Variants in ADGB observed in about 807,000 individuals in gnomAD.
The protein encoded by ADGB is androglobin.
ADGB carries 172 observed loss-of-function variants against 210.5 expected under a neutral mutation model. That is an observed-to-expected ratio of 0.82 (90% CI 0.72 to 0.93). The LOEUF (loss-of-function observed/expected upper bound fraction) is 0.93. Ranked by LOEUF, ADGB falls within the 40% of genes least tolerant of loss-of-function variation. ADGB has a pLI of 0.00. For synonymous variants in ADGB, 658 were observed against 662.7 expected (o/e 0.99, Z 0.11); for missense variants, 2,025 against 1,964.8 (o/e 1.03, Z -0.58).
At chr6:146,795,862 A>T (rs1014120029) in intron 33 of ADGB, among the ~76,000 whole-genome samples, 8 of 152,212 alleles carry the variant, frequency 5.3e-5, no homozygotes, top group African/African-American at 1.9e-4. Flanking sequence ...CATCAGTGAC[A>T]GATGGGATAA....
At chr6:146,802,542 A>C in intron 35 of ADGB, 1 of 364,638 alleles carries the variant, frequency 2.7e-6, no homozygotes, top group South Asian at 4.3e-5. Context: ...TCCCAAATGC[A>C]GCAAAGGTGA....
At chr6:146,762,067 C>T (rs992556017) in intron 27 of ADGB, among the ~76,000 whole-genome samples, 1 of 152,054 alleles carries the variant, frequency 6.6e-6, no homozygotes, top group African/African-American at 2.4e-5. Context: ...AGGTTGATGT[C>T]TTCTTAGGAT....
At chr6:146,811,659 T>A (rs75208083) in intron 35 of ADGB, among the ~76,000 whole-genome samples, 2,442 of 152,212 alleles carry the variant, frequency 0.016, 71 homozygotes, top group African/African-American at 0.052. Flanking sequence ...TTTACTTTTC[T>A]TGCTGTGTTT....
At chr6:146,747,187 T>C (rs1027696980) in intron 26 of ADGB, among the ~76,000 whole-genome samples, 1 of 152,226 alleles carries the variant, frequency 6.6e-6, no homozygotes, top group Admixed American at 6.5e-5. Flanking sequence ...TAACAATGTG[T>C]TGTTATTCAA....
At chr6:146,615,273 A>T (rs1780781367) in intron 1 of ADGB, among the ~76,000 whole-genome samples, 1 of 149,534 alleles carries the variant, frequency 6.7e-6, no homozygotes, top group African/African-American at 2.6e-5. Flanking sequence ...CACCAAGAGG[A>T]TTGTGCTAAG....
At chr6:146,649,705 G>A (rs1467076573) in intron 3 of ADGB, among the ~76,000 whole-genome samples, 1 of 151,764 alleles carries the variant, frequency 6.6e-6, no homozygotes, top group African/African-American at 2.4e-5. Flanking sequence ...TTTCCAGGCT[G>A]GTCTCTTAGT....
In ADGB at chr6:146,733,960, A is replaced by G. The variant is rs61740323; in HGVS notation, c.2724A>G (p.Ala908=). The change falls in exon 22 of 36, where the codon GCA becomes GCG. Residue 908 remains alanine, a synonymous_variant. Coordinates refer to ENST00000397944, the MANE Select transcript of ADGB (RefSeq NM_024694.4). ...SDKEYSAEEV[A]AAIKIQAMWR... ...AAGAGTATTCTGCTGAGGAAGTAGC[A>G]GCAGCAATTAAAATTCAAGCCATGT... is the stretch of plus-strand genomic sequence containing the variant. 599 of 1,551,670 alleles carry G rather than the reference A, an allele frequency of 3.9e-4. 5 individuals carry two copies. The African/African-American group carries it at 7.1e-3, about 19-fold the overall frequency.
rs182621757 is a variant in ADGB, at chr6:146,636,043, T to C, written c.237+506T>C. ...TCGTTTACTTTTTGTCACATAAACA[T>C]GGCATGTCCCTGAGATTGGTGCCAA... On this transcript the variant is annotated intron_variant, in intron 2 of 35. Transcript: ENST00000397944. Among the ~76,000 whole-genome samples, 610 of 152,180 alleles carry C rather than the reference T, an allele frequency of 4.0e-3. 7 individuals are homozygous for C. Among genetic ancestry groups the C allele is most frequent in the African/African-American group, 0.014 (585 of 41,558 alleles).
intron 1 of ADGB, 36 bp from the exon 2 acceptor site, chr6:146,635,339 T>C (rs201028555): frequency 9.8e-5 from 134 of 1,367,660 alleles, no homozygotes; most frequent in Middle Eastern, 1.9e-4. Context: ...GAGATTTTAA[T>C]TAAACCTAAC....
chr6:146,689,070 C>T (rs1776268505), intron 10 of ADGB, among the ~76,000 whole-genome samples: 1 of 151,934 alleles, frequency 6.6e-6, no homozygotes, highest in African/African-American at 2.4e-5. Flanking sequence ...TTTAATAAAG[C>T]CTCTTTCACC....
intron 1 of ADGB, among the ~76,000 whole-genome samples, chr6:146,616,357 TG>T (rs1157898930): frequency 6.6e-6 from 1 of 151,952 alleles, no homozygotes; most frequent in Non-Finnish European, 1.5e-5. Context: ...TGAATATTTT[TG>T]CCCCTTCTGT....
chr6:146,698,853 GC>G (rs1776447399), intron 12 of ADGB, among the ~76,000 whole-genome samples: 1 of 151,986 alleles, frequency 6.6e-6, no homozygotes, highest in Non-Finnish European at 1.5e-5. Context: ...CTCTTGAGTA[GC>G]TGGGACTACA....
chr6:146,644,625 A>G (rs1775578692), intron 2 of ADGB, 148 bp from the exon 3 acceptor site: 1 of 476,932 alleles, frequency 2.1e-6, no homozygotes. Context: ...TAAATACTCC[A>G]TGAATTAGCT....
At chr6:146,793,640 G>A (rs888974752) in intron 33 of ADGB, among the ~76,000 whole-genome samples, 1 of 152,134 alleles carries the variant, frequency 6.6e-6, no homozygotes, top group African/African-American at 2.4e-5. Context: ...AAAAATACAG[G>A]GCCCGAAGGC....
chr6:146,621,323 G>C (rs1338326349), intron 1 of ADGB, among the ~76,000 whole-genome samples: 1 of 152,086 alleles, frequency 6.6e-6, no homozygotes, highest in Non-Finnish European at 1.5e-5. Flanking sequence ...GGAGCACAAA[G>C]TAGCTGCCAA....
At chr6:146,765,096 G>A (rs1777552715) in intron 28 of ADGB, among the ~76,000 whole-genome samples, 1 of 151,974 alleles carries the variant, frequency 6.6e-6, no homozygotes, top group African/African-American at 2.4e-5. Flanking sequence ...ACCGTGCCTG[G>A]CCTGATGATA....
chr6:146,711,923 G>A lies in ADGB; in HGVS notation c.1708-3459G>A, dbSNP rs528578605. On this transcript the variant is annotated intron_variant, in intron 13 of 35. Transcript: ENST00000397944. ...CCCAAAAACATTAGTCAGGCATGGCGGTGCATGTCTGTTGTCCCAGCTCTG... is the reference window on the plus strand; with the variant it reads ...CCCAAAAACATTAGTCAGGCATGGCAGTGCATGTCTGTTGTCCCAGCTCTG... 3.3e-5 allele frequency among the ~76,000 whole-genome samples: 5 copies of A among 151,986 alleles called. 1 individual carries two copies. The highest frequency in any genetic ancestry group is 4.8e-5 in the African/African-American group (2 of 41,480).
intron 35 of ADGB, among the ~76,000 whole-genome samples, chr6:146,807,992 G>GT (rs369961809): frequency 0.51 from 52,883 of 103,054 alleles, 15,475 homozygotes; most frequent in East Asian, 0.63. Flanking sequence ...CTATGCTTCA[G>GT]TTTTTTTTTT....
intron 12 of ADGB, among the ~76,000 whole-genome samples, chr6:146,697,847 C>CAT (rs1776428684): frequency 6.6e-6 from 1 of 152,090 alleles, no homozygotes; most frequent in Non-Finnish European, 1.5e-5. Context: ...CTAGACACAT[C>CAT]ATAGTAAAGC....
Sources: allele counts gnomAD v4.1 joint callset (sites outside exome capture counted in the v4.1 genomes callset), GRCh38; gene constraint gnomAD v4.1.1; transcripts MANE v1.5; gene names NCBI Gene and HGNC (gene_info 2026-07-23, HGNC 2026-07-21).